Variants in LCP2 observed in about 807,000 individuals in gnomAD.
The protein encoded by LCP2 is lymphocyte cytosolic protein 2.
A neutral mutation model predicts 74.5 loss-of-function variants in LCP2; 29 were observed. The ratio of observed to expected loss-of-function variants is 0.39; its 90% CI spans 0.29 to 0.53. The LOEUF is 0.53. Ranked by LOEUF, LCP2 falls within the 20% of genes least tolerant of loss-of-function variation. LCP2 has a pLI of 0.72. For synonymous variants in LCP2, 228 were observed against 229.5 expected (o/e 0.99, Z 0.06); for missense variants, 604 against 634.6 (o/e 0.95, Z 0.52).
In LCP2 at chr5:170,270,736, G is replaced by A. The variant is rs776028297; in HGVS notation, c.506C>T (p.Ser169Phe). ...SILPAKPFPNSNSMYIDRPPS... is the reference protein window; with the variant it reads ...SILPAKPFPNFNSMYIDRPPS... ...GCCCTTACCGATGTACATGGAGTTGGAGTTGGGGAAAGGCTTGGCAGGCAG... is the reference window on the plus strand; with the variant it reads ...GCCCTTACCGATGTACATGGAGTTGAAGTTGGGGAAAGGCTTGGCAGGCAG... The change falls in exon 7 of 21, where the codon TCC (serine) becomes TTC (phenylalanine). Residue 169 changes from serine (S) to phenylalanine (F), a missense_variant. Ser to Phe is a radical substitution (Grantham distance 155). Coordinates refer to ENST00000046794, the MANE Select transcript of LCP2 (RefSeq NM_005565.5). 1.9e-6 allele frequency: 3 copies of A among 1,589,086 alleles called. No individual in the cohort carries two copies. The African/African-American group carries it at 4.1e-5, about 22-fold the overall frequency.
Position 170,268,448 on chromosome 5 carries a change from A to T in LCP2, c.558T>A (p.Pro186=). ...CCATCGGTCTCTGGGGGGGCACAGG[A>T]GGCTGCTGGGGGGTTTTCCCAGAGG... ...RPPSGKTPQQ[P]PVPPQRPMAA... is the part of the protein sequence containing the mutation. Residue 186 remains proline, a synonymous_variant, in exon 8 of 21, where the codon CCT becomes CCA. Transcript: ENST00000046794. 1 of 292,894 alleles carries T rather than the reference A, an allele frequency of 3.4e-6. No homozygotes were observed. Among genetic ancestry groups the T allele is most frequent in the Non-Finnish European group, 5.0e-6 (1 of 199,682 alleles). 18.1% of individuals were successfully genotyped at this position (292,894 alleles called of 1,614,324 possible).
chr5:170,262,841 C>T lies in LCP2; in HGVS notation c.818+1G>A. 6.2e-7 allele frequency: 1 copy of T among 1,614,058 alleles called. No individual in the cohort carries two copies. ...CCCTCATGTAGATGCAACAGTCTTA[C>T]CTTCCCGCTGGAATCGAGGGCTGCA... On this transcript the variant is annotated splice_donor_variant, in intron 12 of 20. Transcript: ENST00000046794. LOFTEE classifies it high-confidence loss of function.
rs377651899 is a variant in LCP2, at chr5:170,257,584, AAC to A, written c.1100+451_1100+452del. Among the ~76,000 whole-genome samples, 41 of 152,154 alleles carry A rather than the reference AAC, an allele frequency of 2.7e-4. 1 individual carries two copies. The East Asian group carries it at 7.7e-3, about 29-fold the overall frequency. On this transcript the variant is annotated intron_variant, in intron 16 of 20. Coordinates refer to ENST00000046794, the MANE Select transcript of LCP2 (RefSeq NM_005565.5). ...GGGCGGCCTCATACCAGCCCTGAGAAACACAGCTGCTACTGAGAAAACAGGGG... is the reference window on the plus strand; with the variant it reads ...GGGCGGCCTCATACCAGCCCTGAGAAACAGCTGCTACTGAGAAAACAGGGG...
intron 19 of LCP2, chr5:170,251,689 T>A (rs756005507): frequency 2.2e-6 from 1 of 455,810 alleles, no homozygotes. Context: ...ACAAACATAC[T>A]TCTGGACCAG....
At chr5:170,257,533 T>C (rs1220379888) in intron 16 of LCP2, among the ~76,000 whole-genome samples, 1 of 152,072 alleles carries the variant, frequency 6.6e-6, no homozygotes, top group Non-Finnish European at 1.5e-5. Context: ...TGACTGGGCC[T>C]TTCTCCTGTT....
At chr5:170,274,811 C>T (rs998434760) in intron 5 of LCP2, among the ~76,000 whole-genome samples, 1 of 152,094 alleles carries the variant, frequency 6.6e-6, no homozygotes, top group East Asian at 1.9e-4. Context: ...CCCGTCTCTA[C>T]TAAAAATACA....
At chr5:170,282,655 A>G (rs938034712) in intron 3 of LCP2, among the ~76,000 whole-genome samples, 6 of 152,248 alleles carry the variant, frequency 3.9e-5, no homozygotes, top group African/African-American at 7.2e-5. Context: ...AGAATAGCCA[A>G]CACTTATTCA....
At chr5:170,265,466 A>G (rs980349813) in intron 10 of LCP2, among the ~76,000 whole-genome samples, 8 of 152,254 alleles carry the variant, frequency 5.3e-5, no homozygotes, top group Non-Finnish European at 1.0e-4. Context: ...GAAAAAAAGA[A>G]TATTTTAAAA....
rs1383351533 is a variant in LCP2, at chr5:170,256,326, G to A, written c.1150+200C>T. Among the ~76,000 whole-genome samples, 5 of 152,158 alleles carry A rather than the reference G, an allele frequency of 3.3e-5. No homozygotes were observed. Among genetic ancestry groups the A allele is most frequent in the Non-Finnish European group, 7.4e-5 (5 of 68,014 alleles). ...GGCATGTATATGTATACGTGTGTGT[G>A]TATGTGTTGTGTTTTAGGTACTATC... On this transcript the variant is annotated intron_variant, in intron 17 of 20. Coordinates refer to ENST00000046794, the MANE Select transcript of LCP2 (RefSeq NM_005565.5). The surrounding 1 kb of genome is among the most constrained non-coding windows in gnomAD (Gnocchi z 4.5).
chr5:170,289,655 T>TTCTCTCTCTCTCTCTC (rs1561978370), intron 2 of LCP2, among the ~76,000 whole-genome samples: 35 of 113,876 alleles, frequency 3.1e-4, no homozygotes, highest in African/African-American at 1.1e-3. Flanking sequence ...CTTTCTTTCT[T>TTCTCTCTCTCTCTCTC]TCTTTCTTTC....
At chr5:170,266,942 G>T in intron 9 of LCP2, 51 bp from the exon 10 acceptor site, 1 of 1,609,318 alleles carries the variant, frequency 6.2e-7, no homozygotes, top group Non-Finnish European at 8.5e-7. Flanking sequence ...CAGTCGGCTG[G>T]GGGTTGGGCG....
At chr5:170,261,478 C>CAT (rs1761652696) in intron 13 of LCP2, among the ~76,000 whole-genome samples, 1 of 151,422 alleles carries the variant, frequency 6.6e-6, no homozygotes. Context: ...CACACACACA[C>CAT]ACACACATGT....
chr5:170,262,490 C>G, intron 13 of LCP2, 145 bp downstream of exon 13: 1 of 620,198 alleles, frequency 1.6e-6, no homozygotes, highest in South Asian at 2.0e-5. Flanking sequence ...CCTGTGAAGC[C>G]TGAACATCCC....
Position 170,297,601 on chromosome 5 carries a change from C to T in LCP2, c.11G>A (p.Arg4Lys), listed in dbSNP as rs777928621. The T allele has an allele frequency of 1.1e-5, 17 of 1,611,384 alleles. No individual in the cohort carries two copies. Among genetic ancestry groups the T allele is most frequent in the African/African-American group, 4.0e-5 (3 of 74,882 alleles). The change falls in exon 1 of 21, where the codon AGG becomes AAG. Residue 4 changes from arginine (R) to lysine (K), a missense_variant. By Grantham distance (26) the Arg-to-Lys change is conservative (BLOSUM62 2). Transcript: ENST00000046794. MAL[R>K]NVPFRSEVLG... is the part of the protein sequence containing the mutation. ...GACCTCTGAGCGAAAGGGCACATTCCTCAGTGCCATGGCTGCTCTCCCGGG... is the reference window on the plus strand; with the variant it reads ...GACCTCTGAGCGAAAGGGCACATTCTTCAGTGCCATGGCTGCTCTCCCGGG...
intron 18 of LCP2, 64 bp downstream of exon 18, chr5:170,253,055 G>C: frequency 9.9e-7 from 1 of 1,006,016 alleles, no homozygotes; most frequent in African/African-American, 1.6e-5. Context: ...TTCAATGGGA[G>C]TTTCTGGTGA....
rs76590159 is a variant in LCP2 at position 170,256,667 on chromosome 5, T to G, written c.1101-92A>C. ...GTTAGGGAAGCCAGGCTGCAAATGC[T>G]TCTTGATTTGGTATCACTTTCCCTG... On this transcript the variant is annotated intron_variant, in intron 16 of 20. Transcript: ENST00000046794. The surrounding 1 kb of genome is among the most constrained non-coding windows in gnomAD (Gnocchi z 4.5). The G allele has an allele frequency of 2.7e-3, 2,443 of 890,902 alleles. 52 individuals carry two copies. In the African/African-American group the frequency reaches 0.035, roughly 13 times the overall value. The allele number at this position is 890,902 out of a possible 1,614,324, so 55.2% of individuals were successfully genotyped here.
intron 2 of LCP2, among the ~76,000 whole-genome samples, chr5:170,291,431 C>G (rs938832011): frequency 3.3e-5 from 5 of 152,214 alleles, no homozygotes; most frequent in African/African-American, 4.8e-5. Flanking sequence ...GTTGCAGGGA[C>G]AGGCACTGGA....
chr5:170,289,671 TTC>T lies in LCP2; in HGVS notation c.142-1657_142-1656del, dbSNP rs1362284640. Among the ~76,000 whole-genome samples, 162 of 84,122 alleles carry T rather than the reference TTC, an allele frequency of 1.9e-3. 1 individual carries two copies. Among genetic ancestry groups the T allele is most frequent in the Middle Eastern group, 6.8e-3 (1 of 146 alleles). The allele number at this position is 84,122 out of a possible 152,430, so 55.2% of individuals were successfully genotyped here. A position where few individuals can be genotyped will look rare whatever the true frequency, so the allele number is the denominator to read the frequency against. On this transcript the variant is annotated intron_variant, in intron 2 of 20. Transcript: ENST00000046794. ...TTTCTTTCTTTCTTTCTTTCTTTCT[TTC>T]TCTCTCTCTCTCTTTCTTTCTTTCT...
chr5:170,278,319 G>GA (rs1262497010), intron 3 of LCP2, among the ~76,000 whole-genome samples: 4 of 105,118 alleles, frequency 3.8e-5, no homozygotes, highest in African/African-American at 1.6e-4. Context: ...CAGAGTGGGG[G>GA]GCTGGGGAGG....
Sources: gnomAD v4.1 joint callset for allele counts (sites outside exome capture counted in the v4.1 genomes callset) on GRCh38, gnomAD v4.1.1 for gene constraint, Gnocchi (gnomAD v3.1) non-coding constraint, MANE v1.5 for transcripts, NCBI Gene and HGNC (gene_info 2026-07-23, HGNC 2026-07-21) for gene names.